The following PROCR variants were observed in gnomAD, a reference collection of about 807,000 sequenced individuals.
The protein encoded by PROCR is endothelial protein C receptor.
In PROCR, 22 loss-of-function variants were observed where a neutral mutation model predicts 24.2. The observed-to-expected ratio is 0.91, with a 90% CI of 0.65 to 1.30. The LOEUF (loss-of-function observed/expected upper bound fraction) is 1.30, where lower values mean the gene tolerates loss of function less well. PROCR is among the 50% of genes most tolerant of loss of function. The probability of loss-of-function intolerance (pLI) is 0.00; values close to 1 mark genes in which losing one functional copy is unlikely to be tolerated. For synonymous variants in PROCR, 137 were observed against 139.2 expected (o/e 0.98, Z 0.11); for missense variants, 288 against 307.7 (o/e 0.94, Z 0.48).
At chr20:35,175,095 C>T in intron 2 of PROCR, 142 bp downstream of exon 2, 1 of 1,027,472 alleles carries the variant, frequency 9.7e-7, no homozygotes, top group Non-Finnish European at 1.3e-6. Context: ...GGCGCCTGGG[C>T]CTTTGAAGAT....
chr20:35,200,362 A>G (rs1032388753), intron 1 of PROCR, among the ~76,000 whole-genome samples: 1 of 152,170 alleles, frequency 6.6e-6, no homozygotes, highest in Non-Finnish European at 1.5e-5. Context: ...TTGTTGTCTT[A>G]TTTTAAGAAA....
At chr20:35,205,752 A>AAAATATATAT in intron 1 of PROCR, among the ~76,000 whole-genome samples, 1 of 102,678 alleles carries the variant, frequency 9.7e-6, no homozygotes, top group South Asian at 3.3e-4. Context: ...ACTCTGTCTA[A>AAAATATATAT]ATATATATAT....
Position 35,172,125 on chromosome 20 carries a change from G to A in PROCR, c.-30G>A, listed in dbSNP as rs1248454509. On this transcript the variant is annotated 5_prime_UTR_variant, in exon 1 of 4. Coordinates refer to ENST00000216968, the MANE Select transcript of PROCR (RefSeq NM_006404.5). ...CGGAGCCCGCAGCCGGCCCGAGCCAGGAACCCAGGTCCGGAGCCTCAACTT... is the reference window on the plus strand; with the variant it reads ...CGGAGCCCGCAGCCGGCCCGAGCCAAGAACCCAGGTCCGGAGCCTCAACTT... The A allele has an allele frequency of 5.6e-6, 9 of 1,613,126 alleles. No individual in the cohort carries two copies. The highest frequency in any genetic ancestry group is 7.6e-6 in the Non-Finnish European group (9 of 1,179,100).
At chr20:35,203,323 T>G (rs2060325792) in intron 1 of PROCR, 2 of 152,184 alleles carry the variant, frequency 1.3e-5, no homozygotes, top group Non-Finnish European at 2.9e-5. Context: ...GGCAAAACCC[T>G]GTCTCTACTA....
intron 1 of PROCR, chr20:35,202,327 G>C (rs1311883914): frequency 6.6e-6 from 1 of 152,000 alleles, no homozygotes; most frequent in African/African-American, 2.4e-5. Flanking sequence ...CGTGGCGGGT[G>C]CCTATAATCC....
chr20:35,190,955 GT>G (rs1490812056), intron 1 of PROCR, among the ~76,000 whole-genome samples: 1 of 152,052 alleles, frequency 6.6e-6, no homozygotes, highest in Non-Finnish European at 1.5e-5. Flanking sequence ...TGCCTCCTCA[GT>G]TAAAGTGATT....
chr20:35,195,216 T>G (rs1452106905), intron 1 of PROCR: 1 of 152,160 alleles, frequency 6.6e-6, no homozygotes, highest in Non-Finnish European at 1.5e-5. Context: ...AGATAACAGA[T>G]GGATGAATGA....
At chr20:35,212,177 G>C (rs780424887) in intron 1 of PROCR, among the ~76,000 whole-genome samples, 2 of 152,158 alleles carry the variant, frequency 1.3e-5, no homozygotes, top group African/African-American at 2.4e-5. Flanking sequence ...GGTCACATTA[G>C]AGTTATTTAT....
downstream of PROCR, among the ~76,000 whole-genome samples, chr20:35,178,510 T>TTTTTTTTTTTG (rs2086046641): frequency 4.8e-5 from 2 of 41,810 alleles, no homozygotes; most frequent in African/African-American, 4.3e-4. Flanking sequence ...AGTCTCAGTT[T>TTTTTTTTTTTG]TTTTTTTTTT....
intron 1 of PROCR, among the ~76,000 whole-genome samples, chr20:35,196,954 C>A (rs1329339327): frequency 1.3e-5 from 2 of 152,136 alleles, no homozygotes; most frequent in Non-Finnish European, 2.9e-5. Flanking sequence ...TAAAGGGACC[C>A]ATATACAGGC....
At position 35,214,667 on chromosome 20, in the gene PROCR, C is replaced by T. The variant is rs576903201; in HGVS notation, c.95-1226C>T. ...TCGCGCCACTGCACTCCAGCCTGGG[C>T]GACAGAGCGAAACTCCATCTCAAAA... is the stretch of plus-strand genomic sequence containing the variant. On this transcript the variant is annotated intron_variant, in intron 1 of 1. Transcript: ENST00000634509. 1.2e-3 allele frequency among the ~76,000 whole-genome samples: 171 copies of T among 140,866 alleles called. No individual in the cohort carries two copies. In the South Asian group the frequency reaches 0.016, roughly 13 times the overall value. 92.4% of individuals were successfully genotyped at this position (140,866 alleles called of 152,430 possible). A position where few individuals can be genotyped will look rare whatever the true frequency, so the allele number is the denominator to read the frequency against.
chr20:35,208,378 C>T (rs1309832244), intron 1 of PROCR, among the ~76,000 whole-genome samples: 3 of 152,194 alleles, frequency 2.0e-5, no homozygotes, highest in Non-Finnish European at 2.9e-5. Flanking sequence ...TTAACTGACT[C>T]TAATCACATT....
chr20:35,197,874 A>G (rs960293959), intron 1 of PROCR, among the ~76,000 whole-genome samples: 3 of 152,128 alleles, frequency 2.0e-5, no homozygotes, highest in Non-Finnish European at 2.9e-5. Context: ...CTTTAAATCA[A>G]AATCATGATA....
chr20:35,201,065 C>T (rs2060316363), intron 1 of PROCR, among the ~76,000 whole-genome samples: 1 of 151,782 alleles, frequency 6.6e-6, no homozygotes, highest in Non-Finnish European at 1.5e-5. Context: ...CAAGGTATGC[C>T]TGTAGTTGTG....
intron 1 of PROCR, among the ~76,000 whole-genome samples, chr20:35,173,982 G>T (rs1189250329): frequency 1.3e-5 from 2 of 152,180 alleles, no homozygotes; most frequent in Non-Finnish European, 2.9e-5. Context: ...TGCTGGACTT[G>T]ACTGCCTACG....
chr20:35,176,738 C>T lies in PROCR; in HGVS notation c.642C>T (p.Gly214=), dbSNP rs765865694. 1 of 1,613,818 alleles carries T rather than the reference C, an allele frequency of 6.2e-7. No homozygotes were observed. The highest frequency in any genetic ancestry group is 1.1e-5 in the South Asian group (1 of 90,974). Residue 214 remains glycine, a synonymous_variant, in exon 4 of 4, where the codon GGC becomes GGT. Transcript: ENST00000216968. The part of the protein sequence containing the change: ...TSRSYTSLVL[G]VLVGSFIIAG... ...GCTCCTACACTTCGCTGGTCCTGGGCGTCCTGGTGGGCAGTTTCATCATTG... is the reference window on the plus strand; with the variant it reads ...GCTCCTACACTTCGCTGGTCCTGGGTGTCCTGGTGGGCAGTTTCATCATTG...
At chr20:35,178,725 C>T (rs1449562067), downstream of PROCR, among the ~76,000 whole-genome samples, 8 of 141,406 alleles carry the variant, frequency 5.7e-5, no homozygotes, top group Admixed American at 1.4e-4. Context: ...CCATTTTAGC[C>T]GGGATGGTCT....
At chr20:35,197,620 G>A (rs747885350) in intron 1 of PROCR, among the ~76,000 whole-genome samples, 17 of 151,728 alleles carry the variant, frequency 1.1e-4, no homozygotes, top group Admixed American at 2.0e-4. Flanking sequence ...TCAGGAGTTC[G>A]AGACTAGCCT....
chr20:35,172,342 G>A, intron 1 of PROCR, 118 bp downstream of exon 1: 1 of 1,294,650 alleles, frequency 7.7e-7, no homozygotes, highest in African/African-American at 1.5e-5. Flanking sequence ...CAGCTGGCTA[G>A]ATCTCTCTAC....
Sources: gnomAD v4.1 joint callset for allele counts (sites outside exome capture counted in the v4.1 genomes callset) on GRCh38, gnomAD v4.1.1 for gene constraint, MANE v1.5 for transcripts, NCBI Gene and HGNC (gene_info 2026-07-23, HGNC 2026-07-21) for gene names.